TASP1: variants seen among roughly 807,000 people sequenced by gnomAD.
The protein encoded by TASP1 is taspase 1.
Under a neutral mutation model 56.6 loss-of-function variants are expected in TASP1, and 16 were observed. That is an observed-to-expected ratio of 0.28 (90% CI 0.19 to 0.43). TASP1 has a LOEUF of 0.43. Among genes scored for constraint, TASP1 ranks in the 20% least tolerant of loss-of-function variants. The pLI, the probability that TASP1 is intolerant of heterozygous loss-of-function variation, is 1.00. For missense variants in TASP1, 393 were observed against 511.6 expected (o/e 0.77, Z 2.24); for synonymous variants, 179 against 184.2 (o/e 0.97, Z 0.23).
chr20:13,535,615 A>C (rs1318044541), intron 8 of TASP1, among the ~76,000 whole-genome samples: 1 of 152,172 alleles, frequency 6.6e-6, no homozygotes, highest in Non-Finnish European at 1.5e-5. Flanking sequence ...CCCTTCAAGA[A>C]TACTTCCTGG....
intron 13 of TASP1, among the ~76,000 whole-genome samples, chr20:13,394,598 C>A (rs532395508): frequency 6.6e-6 from 1 of 150,462 alleles, no homozygotes; most frequent in Non-Finnish European, 1.5e-5. Flanking sequence ...GGCGACAGAG[C>A]GAGACTCTAT....
chr20:13,446,264 C>T (rs1457673613), intron 11 of TASP1, among the ~76,000 whole-genome samples: 1 of 152,072 alleles, frequency 6.6e-6, no homozygotes, highest in African/African-American at 2.4e-5. Context: ...TACATCTCCA[C>T]AGACAATTTA....
the TASP1 span, among the ~76,000 whole-genome samples, chr20:13,376,765 T>C: frequency 6.6e-6 from 1 of 152,210 alleles, no homozygotes; most frequent in South Asian, 2.1e-4. Flanking sequence ...GAGCAGTGGC[T>C]TGTAGTTTTC....
chr20:13,524,313 CA>C (rs1045962165), intron 10 of TASP1, among the ~76,000 whole-genome samples: 5 of 152,020 alleles, frequency 3.3e-5, no homozygotes, highest in African/African-American at 9.7e-5. Flanking sequence ...AGACATATCC[CA>C]GATATTTCTA....
chr20:13,325,517 A>G, the TASP1 span, among the ~76,000 whole-genome samples: 1 of 152,182 alleles, frequency 6.6e-6, no homozygotes, highest in Non-Finnish European at 1.5e-5. Context: ...GGGGGATTAT[A>G]ATATTCACCT....
chr20:13,544,210 A>G, intron 8 of TASP1, among the ~76,000 whole-genome samples: 1 of 152,210 alleles, frequency 6.6e-6, no homozygotes, highest in East Asian at 1.9e-4. Flanking sequence ...TGCTATATTC[A>G]GTGTTTCCTT....
At chr20:13,220,670 C>T in the TASP1 span, among the ~76,000 whole-genome samples, 2 of 152,230 alleles carry the variant, frequency 1.3e-5, no homozygotes, top group Non-Finnish European at 2.9e-5. Flanking sequence ...CTACGGGGCG[C>T]CGCGGATCCG....
the TASP1 span, among the ~76,000 whole-genome samples, chr20:13,281,830 G>A: frequency 2.0e-5 from 3 of 152,174 alleles, no homozygotes; most frequent in Non-Finnish European, 2.9e-5. Flanking sequence ...CACACAGAAC[G>A]TTGTTTCTAT....
chr20:13,443,382 C>T (rs1192457841), intron 11 of TASP1, among the ~76,000 whole-genome samples: 1 of 152,198 alleles, frequency 6.6e-6, no homozygotes, highest in Non-Finnish European at 1.5e-5. Context: ...ACAGAGGGAA[C>T]TGGGGACAAA....
chr20:13,442,446 C>A (rs1037314579), intron 11 of TASP1, among the ~76,000 whole-genome samples: 2 of 151,948 alleles, frequency 1.3e-5, no homozygotes, highest in African/African-American at 4.8e-5. Context: ...CCGTCTTGGT[C>A]TTGAAGGCCA....
the TASP1 span, among the ~76,000 whole-genome samples, chr20:13,110,404 T>C: frequency 7.1e-4 from 108 of 152,300 alleles, no homozygotes; most frequent in African/African-American, 2.5e-3. Context: ...GATGACTCTA[T>C]ATATGGCACA....
At chr20:13,165,029 G>T in the TASP1 span, 1 of 579,246 alleles carries the variant, frequency 1.7e-6, no homozygotes, top group Non-Finnish European at 3.0e-6. Context: ...AATGTCTCCA[G>T]CTTGGACTGC....
chr20:13,532,887 T>G (rs2045276229), intron 9 of TASP1, among the ~76,000 whole-genome samples: 1 of 152,178 alleles, frequency 6.6e-6, no homozygotes, highest in Admixed American at 6.5e-5. Context: ...GACTTTATAA[T>G]GTAGAAAAAT....
intron 10 of TASP1, among the ~76,000 whole-genome samples, chr20:13,494,997 T>C (rs2043670201): frequency 6.6e-6 from 1 of 151,384 alleles, no homozygotes; most frequent in Non-Finnish European, 1.5e-5. Context: ...CATCTACAAA[T>C]ATGCAGATGT....
downstream of TASP1, among the ~76,000 whole-genome samples, chr20:13,387,183 C>CTT (rs1568732036): frequency 2.7e-3 from 257 of 94,950 alleles, 11 homozygotes; most frequent in African/African-American, 0.012. Context: ...GACATGATTT[C>CTT]ATTTTTTTTT....
At chr20:13,354,594 T>C in the TASP1 span, among the ~76,000 whole-genome samples, 1 of 152,186 alleles carries the variant, frequency 6.6e-6, no homozygotes, top group Non-Finnish European at 1.5e-5. Context: ...TAAAAAATAA[T>C]TGCCTCTCAT....
At chr20:13,615,329 A>G (rs1040935095) in intron 4 of TASP1, among the ~76,000 whole-genome samples, 5 of 152,158 alleles carry the variant, frequency 3.3e-5, no homozygotes, top group African/African-American at 1.2e-4. Context: ...ACTGCCAGTA[A>G]AAACTACCTG....
chr20:13,162,311 T>C, the TASP1 span, among the ~76,000 whole-genome samples: 1 of 152,156 alleles, frequency 6.6e-6, no homozygotes, highest in Non-Finnish European at 1.5e-5. Flanking sequence ...AATTTGTAAT[T>C]TTGTGCTCCA....
At chr20:13,203,723 G>A in the TASP1 span, among the ~76,000 whole-genome samples, 3 of 152,124 alleles carry the variant, frequency 2.0e-5, no homozygotes, top group Admixed American at 1.3e-4. Context: ...AACTTGCAGA[G>A]AATTAAGTTA....
Sources: gnomAD v4.1 joint callset for allele counts (sites outside exome capture counted in the v4.1 genomes callset) on GRCh38, gnomAD v4.1.1 for gene constraint, MANE v1.5 for transcripts, NCBI Gene and HGNC (gene_info 2026-07-23, HGNC 2026-07-21) for gene names.